Variants in PARD3B observed in about 807,000 individuals in gnomAD.
The protein encoded by PARD3B is par-3 family cell polarity regulator beta.
A neutral mutation model predicts 130.2 loss-of-function variants in PARD3B; 103 were observed. The observed-to-expected ratio is 0.79, with a 90% CI of 0.67 to 0.93. PARD3B has a LOEUF of 0.93. Among genes scored for constraint, PARD3B ranks in the 40% least tolerant of loss-of-function variants. The pLI, the probability that PARD3B is intolerant of heterozygous loss-of-function variation, is 0.00. For synonymous variants in PARD3B, 583 were observed against 553.2 expected (o/e 1.05, Z -0.76); for missense variants, 1,609 against 1,499.2 (o/e 1.07, Z -1.21).
chr2:205,232,315 T>C (rs2038877400), intron 15 of PARD3B, among the ~76,000 whole-genome samples: 1 of 152,024 alleles, frequency 6.6e-6, no homozygotes, highest in African/African-American at 2.4e-5. Flanking sequence ...TAGCCAAGCA[T>C]AGTGGCACAC....
rs1312723819 is a variant in PARD3B, at chr2:205,558,397, G to A, written c.3260+4994G>A. ...GATACTCCTATTATCTCAGGACCGGGCAGTGCTGAACATGCAACTACCAGA... is the reference window on the plus strand; with the variant it reads ...GATACTCCTATTATCTCAGGACCGGACAGTGCTGAACATGCAACTACCAGA... On this transcript the variant is annotated intron_variant, in intron 22 of 22. Coordinates refer to ENST00000406610, the MANE Select transcript of PARD3B (RefSeq NM_001302769.2). This position sits in a 1 kb window ranked among gnomAD's most constrained non-coding sequence, Gnocchi z 4.8. Among the ~76,000 whole-genome samples the A allele has an allele frequency of 6.6e-6, 1 of 152,166 alleles. No individual in the cohort carries two copies. Among genetic ancestry groups the A allele is most frequent in the African/African-American group, 2.4e-5 (1 of 41,438 alleles).
chr2:204,953,926 T>G (rs1317015854), intron 2 of PARD3B, among the ~76,000 whole-genome samples: 2 of 152,142 alleles, frequency 1.3e-5, no homozygotes, highest in African/African-American at 4.8e-5. Context: ...TGTCTATGAT[T>G]AGAGACAAGA....
intron 19 of PARD3B, among the ~76,000 whole-genome samples, chr2:205,432,441 A>G (rs1219527075): frequency 6.6e-6 from 1 of 152,012 alleles, no homozygotes; most frequent in African/African-American, 2.4e-5. Flanking sequence ...TGTTTGCCCT[A>G]AGTCCCTGCT....
At chr2:205,238,560 G>A (rs979800254) in intron 15 of PARD3B, among the ~76,000 whole-genome samples, 19 of 151,922 alleles carry the variant, frequency 1.3e-4, no homozygotes, top group African/African-American at 3.1e-4. Context: ...GGCTGGGTGC[G>A]GTGGCTTACG....
intron 1 of PARD3B, among the ~76,000 whole-genome samples, chr2:204,680,486 G>C (rs1188776043): frequency 6.6e-6 from 1 of 151,746 alleles, no homozygotes; most frequent in Admixed American, 6.6e-5. Flanking sequence ...TACTAGTTTT[G>C]TCAAGCTTTT....
chr2:204,579,291 A>G (rs1047319288), intron 1 of PARD3B, among the ~76,000 whole-genome samples: 1 of 152,040 alleles, frequency 6.6e-6, no homozygotes, highest in Non-Finnish European at 1.5e-5. Flanking sequence ...TGTTACAGAC[A>G]GGAAATCCAG....
At chr2:205,615,368 C>A in intron 22 of PARD3B, 88 bp from the exon 23 acceptor site, 1 of 1,167,734 alleles carries the variant, frequency 8.6e-7, no homozygotes, top group Non-Finnish European at 1.2e-6. Context: ...GTGGCCACAC[C>A]AAACTGCACA....
intron 4 of PARD3B, among the ~76,000 whole-genome samples, chr2:205,103,959 T>C (rs1703011279): frequency 6.6e-6 from 1 of 152,224 alleles, no homozygotes; most frequent in Non-Finnish European, 1.5e-5. Context: ...TCCTGCAGTG[T>C]TTCTGCCTGA....
intron 15 of PARD3B, among the ~76,000 whole-genome samples, chr2:205,236,329 C>T (rs1283270135): frequency 1.3e-5 from 2 of 152,038 alleles, no homozygotes; most frequent in Non-Finnish European, 1.5e-5. Context: ...AATATTTCCC[C>T]AACTCATTCT....
chr2:204,957,537 T>C (rs1690367167), intron 2 of PARD3B, among the ~76,000 whole-genome samples: 1 of 152,174 alleles, frequency 6.6e-6, no homozygotes, highest in Admixed American at 6.5e-5. Flanking sequence ...AGAGCTGTTA[T>C]GTCCCTGCTT....
rs534114037 is a variant in PARD3B, at chr2:205,560,509, G to A, written c.3260+7106G>A. ...AACACTCCTGAGAGTTGAAAAAACA[G>A]TGTCTGCAAATTGGTACTGTAGTTC... On this transcript the variant is annotated intron_variant, in intron 22 of 22. Transcript: ENST00000406610. 2.3e-4 allele frequency among the ~76,000 whole-genome samples: 35 copies of A among 152,146 alleles called. No individual in the cohort carries two copies. The East Asian group carries it at 6.4e-3, about 28-fold the overall frequency.
rs149967642 is a variant in PARD3B at position 205,357,261 on chromosome 2, G to A, written c.2631-43752G>A. Among the ~76,000 whole-genome samples, 12 of 152,320 alleles carry A rather than the reference G, an allele frequency of 7.9e-5. No individual in the cohort carries two copies. The East Asian group carries it at 2.1e-3, about 27-fold the overall frequency. ...TTCCCTAGGAGTTTCGGGTGTGTAT[G>A]TTCACACTCCTTTGGTGATGCTGAA... On this transcript the variant is annotated intron_variant, in intron 18 of 22. Coordinates refer to ENST00000406610, the MANE Select transcript of PARD3B (RefSeq NM_001302769.2).
rs929220852 is a variant in PARD3B, at chr2:204,780,618, C to T, written c.222+94336C>T. Among the ~76,000 whole-genome samples the T allele has an allele frequency of 5.9e-5, 9 of 152,152 alleles. No individual in the cohort carries two copies. In the East Asian group the frequency reaches 1.2e-3, roughly 20 times the overall value. On this transcript the variant is annotated intron_variant, in intron 2 of 22. Transcript: ENST00000406610. ...CTTTTTCCCCCAAGAATGTTTAGAACGATTTTAATCCAAGACTAGGGTAAT... is the reference window on the plus strand; with the variant it reads ...CTTTTTCCCCCAAGAATGTTTAGAATGATTTTAATCCAAGACTAGGGTAAT...
intron 2 of PARD3B, among the ~76,000 whole-genome samples, chr2:204,765,493 A>G (rs1294903622): frequency 6.6e-6 from 1 of 152,212 alleles, no homozygotes; most frequent in Non-Finnish European, 1.5e-5. Flanking sequence ...CTCTAGATCC[A>G]TATTTCCTAA....
chr2:204,904,495 C>T (rs920347513), intron 2 of PARD3B, among the ~76,000 whole-genome samples: 1 of 152,104 alleles, frequency 6.6e-6, no homozygotes, highest in African/African-American at 2.4e-5. Flanking sequence ...TTGCATCCAT[C>T]GTCTACCCTT....
At chr2:204,835,498 C>T (rs953747707) in intron 2 of PARD3B, among the ~76,000 whole-genome samples, 1 of 152,168 alleles carries the variant, frequency 6.6e-6, no homozygotes, top group African/African-American at 2.4e-5. Flanking sequence ...CTCTTACCTA[C>T]CCTTCCTGTC....
chr2:204,766,819 A>C (rs1006257812), intron 2 of PARD3B, among the ~76,000 whole-genome samples: 5 of 147,942 alleles, frequency 3.4e-5, no homozygotes, highest in African/African-American at 2.4e-5. Context: ...AAAAAAAAAA[A>C]CAAAAGCAAA....
intron 1 of PARD3B, among the ~76,000 whole-genome samples, chr2:204,655,683 G>T (rs1489949252): frequency 6.6e-6 from 1 of 152,156 alleles, no homozygotes; most frequent in African/African-American, 2.4e-5. Context: ...GTGTGAACAT[G>T]TACAATGGAG....
intron 2 of PARD3B, among the ~76,000 whole-genome samples, chr2:204,791,788 T>C (rs2042214963): frequency 6.6e-6 from 1 of 152,248 alleles, no homozygotes; most frequent in African/African-American, 2.4e-5. Flanking sequence ...ACATACCTAT[T>C]ATTACATCCC....
Sources: gnomAD v4.1 joint callset for allele counts (sites outside exome capture counted in the v4.1 genomes callset) on GRCh38, gnomAD v4.1.1 for gene constraint, Gnocchi (gnomAD v3.1) non-coding constraint, MANE v1.5 for transcripts, NCBI Gene and HGNC (gene_info 2026-07-23, HGNC 2026-07-21) for gene names.